Variants in IGSF11 observed in about 807,000 individuals in gnomAD.
IGSF11 encodes CXADR like 1.
In IGSF11, 22 loss-of-function variants were observed where a neutral mutation model predicts 41.0. The observed-to-expected ratio is 0.54, with a 90% CI of 0.38 to 0.77. The LOEUF is 0.77. Ranked by LOEUF, IGSF11 falls within the 30% of genes least tolerant of loss-of-function variation. The pLI is 0.00. For missense variants in IGSF11, 444 were observed against 530.8 expected, an observed-to-expected ratio of 0.84 and a Z score of 1.61; for synonymous variants, 219 against 201.3, an observed-to-expected ratio of 1.09 and a Z score of -0.74.
At position 118,905,643 on chromosome 3, in the gene IGSF11, T is replaced by A. The variant is rs2107469623; in HGVS notation, c.656A>T (p.Asn219Ile). ...AAGACAGGTGCTGGTTCCAATAGCA[T>A]TAGAAGCCACGCACTGGTACAAACC... ...SSGLYQCVAS[N>I]AIGTSTCLLD... Residue 219 changes from asparagine (N) to isoleucine (I), a missense_variant, in exon 5 of 7, where the codon AAT (asparagine) becomes ATT (isoleucine). This residue lies in a region of IGSF11 where 193 missense variants were observed against 283.5 expected (regional missense o/e 0.68). Transcript: ENST00000393775. The A allele has an allele frequency of 6.2e-7, 1 of 1,613,862 alleles. No homozygotes were observed. The highest frequency in any genetic ancestry group is 1.1e-5 in the South Asian group (1 of 91,070).
rs149642997 is a variant in IGSF11 at position 119,113,305 on chromosome 3, C to A, written c.-13-8100G>T. On this transcript the variant is annotated intron_variant, in intron 1 of 7. Transcript: ENST00000425327. ...AGCATTAACTCAGAAGTCCACAGTCCAAAGTCTCATCTGAGACAAGGCAAG... is the reference window on the plus strand; with the variant it reads ...AGCATTAACTCAGAAGTCCACAGTCAAAAGTCTCATCTGAGACAAGGCAAG... Among the ~76,000 whole-genome samples, 57 of 152,250 alleles carry A rather than the reference C, an allele frequency of 3.7e-4. 1 individual carries two copies. In the East Asian group the frequency reaches 0.011, roughly 29 times the overall value.
intron 1 of IGSF11, among the ~76,000 whole-genome samples, chr3:119,016,817 T>C (rs1938743014): frequency 6.6e-6 from 1 of 152,126 alleles, no homozygotes; most frequent in Non-Finnish European, 1.5e-5. Flanking sequence ...TAAATCCCAC[T>C]CAGATCCTGC....
intron 1 of IGSF11, among the ~76,000 whole-genome samples, chr3:119,126,860 C>CA (rs1559882245): frequency 3.9e-5 from 6 of 152,092 alleles, no homozygotes; most frequent in Admixed American, 6.5e-5. Flanking sequence ...AAGGCATCTA[C>CA]AAAAACCCCA....
At chr3:119,011,179 G>A (rs572140430) in intron 1 of IGSF11, among the ~76,000 whole-genome samples, 1 of 152,154 alleles carries the variant, frequency 6.6e-6, no homozygotes, top group Non-Finnish European at 1.5e-5. Context: ...AGTGACTGGC[G>A]TGGGGCAAAT....
At chr3:118,967,831 T>C (rs1945789246) in intron 1 of IGSF11, among the ~76,000 whole-genome samples, 1 of 152,214 alleles carries the variant, frequency 6.6e-6, no homozygotes, top group Non-Finnish European at 1.5e-5. Flanking sequence ...CTTATTTTTT[T>C]ACTATGCATT....
At chr3:118,930,409 A>G in intron 1 of IGSF11, 134 bp from the exon 2 acceptor site, 1 of 792,148 alleles carries the variant, frequency 1.3e-6, no homozygotes. Flanking sequence ...TAGTCTTAAC[A>G]ACTGCTGACC....
chr3:118,910,736 C>T (rs553804910), intron 4 of IGSF11, among the ~76,000 whole-genome samples: 1 of 152,260 alleles, frequency 6.6e-6, no homozygotes, highest in East Asian at 1.9e-4. Context: ...TTTATGTCAG[C>T]TTCACAGATC....
At chr3:119,118,119 T>C (rs1435982862) in intron 1 of IGSF11, among the ~76,000 whole-genome samples, 1 of 152,226 alleles carries the variant, frequency 6.6e-6, no homozygotes, top group African/African-American at 2.4e-5. Flanking sequence ...TTCTGGGGTC[T>C]GGAGGATGGT....
chr3:119,108,733 G>A (rs1197649338), upstream of IGSF11, among the ~76,000 whole-genome samples: 3 of 140,978 alleles, frequency 2.1e-5, no homozygotes, highest in African/African-American at 5.1e-5. Context: ...GTTTGTCATA[G>A]ATAGCTCTTA....
intron 1 of IGSF11, among the ~76,000 whole-genome samples, chr3:119,102,929 A>G (rs550813625): frequency 5.3e-4 from 80 of 151,132 alleles, no homozygotes; most frequent in African/African-American, 1.8e-3. Context: ...TTTTGAGTTC[A>G]TATTTACAGA....
intron 1 of IGSF11, among the ~76,000 whole-genome samples, chr3:118,965,708 A>C (rs1020807796): frequency 3.3e-5 from 5 of 152,090 alleles, no homozygotes; most frequent in African/African-American, 1.2e-4. Flanking sequence ...AATTTAGCAG[A>C]TGTGAGCTCT....
intron 1 of IGSF11, among the ~76,000 whole-genome samples, chr3:119,020,769 C>G (rs1458424702): frequency 6.6e-6 from 1 of 152,214 alleles, no homozygotes; most frequent in East Asian, 1.9e-4. Flanking sequence ...CTGGCTATAT[C>G]TTCCTCCACA....
At chr3:119,107,252 G>T (rs1015634005), upstream of IGSF11, among the ~76,000 whole-genome samples, 1 of 152,192 alleles carries the variant, frequency 6.6e-6, no homozygotes, top group African/African-American at 2.4e-5. Flanking sequence ...AGCACCTGTT[G>T]TTTCCTGACT....
intron 1 of IGSF11, among the ~76,000 whole-genome samples, chr3:119,072,476 C>T (rs563514193): frequency 3.3e-5 from 5 of 152,190 alleles, no homozygotes; most frequent in Non-Finnish European, 5.9e-5. Flanking sequence ...CGGACCCTCG[C>T]GGTGAGTGTT....
intron 1 of IGSF11, among the ~76,000 whole-genome samples, chr3:119,118,035 C>A (rs1417018401): frequency 6.6e-6 from 1 of 152,202 alleles, no homozygotes; most frequent in Non-Finnish European, 1.5e-5. Flanking sequence ...TCCTTCCCAG[C>A]TGCTTTCACG....
intron 4 of IGSF11, among the ~76,000 whole-genome samples, chr3:118,924,775 G>A (rs1292854518): frequency 6.6e-6 from 1 of 151,816 alleles, no homozygotes; most frequent in Admixed American, 6.6e-5. Flanking sequence ...ATTTCACAGA[G>A]ATATTATAAA....
chr3:118,941,879 T>C (rs1427522520), intron 1 of IGSF11, among the ~76,000 whole-genome samples: 5 of 152,104 alleles, frequency 3.3e-5, no homozygotes, highest in African/African-American at 1.2e-4. Context: ...AATGGCTATA[T>C]ACTGCATGTA....
intron 1 of IGSF11, among the ~76,000 whole-genome samples, chr3:119,075,008 G>T (rs1453320230): frequency 6.6e-6 from 1 of 152,094 alleles, no homozygotes; most frequent in East Asian, 1.9e-4. Context: ...ATGAAATGGA[G>T]ATGCAAAAAA....
At chr3:118,992,050 C>G (rs964026990) in intron 1 of IGSF11, among the ~76,000 whole-genome samples, 1 of 152,150 alleles carries the variant, frequency 6.6e-6, no homozygotes, top group African/African-American at 2.4e-5. Flanking sequence ...TGTATTTGCT[C>G]GAATCAACCA....
Sources: gnomAD v4.1 joint callset for allele counts (sites outside exome capture counted in the v4.1 genomes callset) on GRCh38, gnomAD v4.1.1 for gene constraint, gnomAD v4.1.1 regional missense constraint, MANE v1.5 for transcripts, NCBI Gene and HGNC (gene_info 2026-07-23, HGNC 2026-07-21) for gene names.